ZDHHC17: variants seen among roughly 807,000 people sequenced by gnomAD.
ZDHHC17 encodes the protein palmitoyltransferase ZDHHC17.
Under a neutral mutation model 90.3 loss-of-function variants are expected in ZDHHC17, and 40 were observed. That is an observed-to-expected ratio of 0.44 (90% CI 0.34 to 0.58). The LOEUF is 0.58. Ranked by LOEUF, ZDHHC17 falls within the 20% of genes least tolerant of loss-of-function variation. The probability of loss-of-function intolerance (pLI) is 0.01; values close to 1 mark genes in which losing one functional copy is unlikely to be tolerated. For synonymous variants in ZDHHC17, 235 were observed against 252.4 expected, an observed-to-expected ratio of 0.93 and a Z score of 0.65; for missense variants, 614 against 780.8, an observed-to-expected ratio of 0.79 and a Z score of 2.55.
At chr12:76,764,636 G>A in intron 1 of ZDHHC17, 1 of 538,700 alleles carries the variant, frequency 1.9e-6, no homozygotes, top group South Asian at 1.8e-5. Flanking sequence ...GAGGGGCCTG[G>A]TGTGGTTTTT....
chr12:76,788,688 A>AGATTTTTTTT (rs1952721397), intron 1 of ZDHHC17, among the ~76,000 whole-genome samples: 1 of 98,648 alleles, frequency 1.0e-5, no homozygotes, highest in Non-Finnish European at 1.9e-5. Flanking sequence ...TGGAATCGCA[A>AGATTTTTTTT]TTTTTTTTTT....
At chr12:76,820,953 G>A in intron 7 of ZDHHC17, 1 of 641,826 alleles carries the variant, frequency 1.6e-6, no homozygotes, top group South Asian at 1.5e-5. Flanking sequence ...TAAATGAATT[G>A]AGTGTTTATT....
intron 10 of ZDHHC17, among the ~76,000 whole-genome samples, chr12:76,834,121 T>A (rs1025377346): frequency 2.0e-5 from 3 of 152,168 alleles, no homozygotes; most frequent in African/African-American, 7.2e-5. Flanking sequence ...GAGCTGGAAG[T>A]GAATATGTAT....
At chr12:76,794,100 T>G (rs1050453114) in intron 1 of ZDHHC17, among the ~76,000 whole-genome samples, 2 of 152,132 alleles carry the variant, frequency 1.3e-5, no homozygotes, top group African/African-American at 4.8e-5. Context: ...TTAGCCAGGA[T>G]GGTCTCAACC....
rs989278005 is a variant in ZDHHC17 at position 76,815,095 on chromosome 12, T to G, written c.544-51T>G. ...ATTAGATTTTTCCAAGCAAATTTGGTTAGGAACTTATAATTTAACTGTCTG... is the reference window on the plus strand; with the variant it reads ...ATTAGATTTTTCCAAGCAAATTTGGGTAGGAACTTATAATTTAACTGTCTG... On this transcript the variant is annotated intron_variant, in intron 5 of 16. Coordinates refer to ENST00000426126, the MANE Select transcript of ZDHHC17 (RefSeq NM_015336.4). 1.8e-5 allele frequency: 25 copies of G among 1,390,264 alleles called. No homozygotes were observed. In the East Asian group the frequency reaches 6.3e-4, roughly 35 times the overall value. 86.1% of individuals were successfully genotyped at this position (1,390,264 alleles called of 1,614,324 possible).
chr12:76,806,558 A>G (rs988964656), intron 3 of ZDHHC17, among the ~76,000 whole-genome samples: 3 of 152,154 alleles, frequency 2.0e-5, no homozygotes, highest in Non-Finnish European at 4.4e-5. Flanking sequence ...TGTTTTTAGT[A>G]GAGATGGGGT....
At chr12:76,775,166 A>G (rs1298607543) in intron 1 of ZDHHC17, among the ~76,000 whole-genome samples, 1 of 152,180 alleles carries the variant, frequency 6.6e-6, no homozygotes. Context: ...CCCCCATTTC[A>G]TTAGCAATCC....
chr12:76,764,231 C>A lies in ZDHHC17; in HGVS notation c.-6C>A. On this transcript the variant is annotated 5_prime_UTR_variant, in exon 1 of 17. Coordinates refer to ENST00000426126, the MANE Select transcript of ZDHHC17 (RefSeq NM_015336.4). ...GCCCCGGGAGGGTGAAACGCTTTCTCCCAGCATGCAGCGGGAGGAGGGATT... is the reference window on the plus strand; with the variant it reads ...GCCCCGGGAGGGTGAAACGCTTTCTACCAGCATGCAGCGGGAGGAGGGATT... 1 of 1,590,178 alleles carries A rather than the reference C, an allele frequency of 6.3e-7. No homozygotes were observed. The highest frequency in any genetic ancestry group is 8.6e-7 in the Non-Finnish European group (1 of 1,168,260).
At chr12:76,831,510 C>T (rs1953300711) in intron 10 of ZDHHC17, among the ~76,000 whole-genome samples, 1 of 152,046 alleles carries the variant, frequency 6.6e-6, no homozygotes, top group South Asian at 2.1e-4. Flanking sequence ...ACCACCATAC[C>T]TGGTTAATTT....
chr12:76,802,943 C>A (rs982245468), intron 2 of ZDHHC17, among the ~76,000 whole-genome samples: 2 of 151,676 alleles, frequency 1.3e-5, no homozygotes, highest in African/African-American at 2.4e-5. Flanking sequence ...TTTTTACTTT[C>A]AGTACAGTAT....
intron 6 of ZDHHC17, 144 bp from the exon 7 acceptor site, chr12:76,815,713 T>C (rs1953078830): frequency 1.4e-6 from 1 of 698,368 alleles, no homozygotes; most frequent in Non-Finnish European, 2.1e-6. Context: ...TGTCTCATTA[T>C]TGATTTTAAA....
At chr12:76,820,117 C>T (rs1308290781) in intron 7 of ZDHHC17, among the ~76,000 whole-genome samples, 1 of 151,980 alleles carries the variant, frequency 6.6e-6, no homozygotes, top group African/African-American at 2.4e-5. Context: ...GGAGTCCCCC[C>T]AGTAGACTTT....
At chr12:76,766,095 A>G (rs1952427687) in intron 1 of ZDHHC17, among the ~76,000 whole-genome samples, 1 of 152,248 alleles carries the variant, frequency 6.6e-6, no homozygotes, top group Non-Finnish European at 1.5e-5. Flanking sequence ...TTAACTGGCA[A>G]CAAATCCAGA....
chr12:76,842,376 T>C (rs1414541754), intron 11 of ZDHHC17, among the ~76,000 whole-genome samples: 5 of 152,180 alleles, frequency 3.3e-5, no homozygotes, highest in African/African-American at 4.8e-5. Flanking sequence ...GTCTTAAACA[T>C]CTCTGTAAAT....
At chr12:76,817,464 ACT>A (rs35203648) in intron 7 of ZDHHC17, among the ~76,000 whole-genome samples, 89,976 of 151,576 alleles carry the variant, frequency 0.59, 26,728 homozygotes, top group East Asian at 0.66. Context: ...AAATAGTAAG[ACT>A]CTGTAGACCT....
At chr12:76,772,891 T>A (rs2887463) in intron 1 of ZDHHC17, among the ~76,000 whole-genome samples, 1,932 of 151,868 alleles carry the variant, frequency 0.013, 20 homozygotes, top group Non-Finnish European at 0.018. Context: ...AGTTTTGCTC[T>A]TGTTGCCCAG....
intron 3 of ZDHHC17, among the ~76,000 whole-genome samples, chr12:76,807,190 G>T (rs1302706467): frequency 6.6e-6 from 1 of 152,136 alleles, no homozygotes; most frequent in Non-Finnish European, 1.5e-5. Flanking sequence ...TAACATTATG[G>T]TGTACAAAGA....
rs17042587 is a variant in ZDHHC17 at position 76,827,813 on chromosome 12, G to A, written c.1041-577G>A. The stretch of plus-strand genomic sequence containing the variant: ...AGGGGTATAAATAGGAAGTCACTAA[G>A]ACCTCCTGCCTATATGGATAGTTGA... On this transcript the variant is annotated intron_variant, in intron 9 of 16. Coordinates refer to ENST00000426126, the MANE Select transcript of ZDHHC17 (RefSeq NM_015336.4). Among the ~76,000 whole-genome samples, 479 of 152,188 alleles carry A rather than the reference G, an allele frequency of 3.1e-3. 3 individuals are homozygous for A. Among genetic ancestry groups the A allele is most frequent in the African/African-American group, 0.011 (453 of 41,554 alleles).
Position 76,853,256 on chromosome 12 carries a change from C to T in ZDHHC17, c.*2271C>T, listed in dbSNP as rs1441304518. The stretch of plus-strand genomic sequence containing the variant: ...GTCAGATGGTCAGGAGCCAGCTATG[C>T]AGCAGTATACCATCTGTTTAATTAT... On this transcript the variant is annotated 3_prime_UTR_variant, in exon 17 of 17. Transcript: ENST00000426126. The T allele has an allele frequency of 6.6e-6, 1 of 151,152 alleles. No homozygotes were observed. Among genetic ancestry groups the T allele is most frequent in the African/African-American group, 2.4e-5 (1 of 41,342 alleles). 9.4% of individuals were successfully genotyped at this position (151,152 alleles called of 1,614,324 possible). A position where few individuals can be genotyped will look rare whatever the true frequency, so the allele number is the denominator to read the frequency against.
Sources: allele counts gnomAD v4.1 joint callset (sites outside exome capture counted in the v4.1 genomes callset), GRCh38; gene constraint gnomAD v4.1.1; transcripts MANE v1.5; gene names NCBI Gene and HGNC (gene_info 2026-07-23, HGNC 2026-07-21).